The following FAM81A variants were observed in gnomAD, a reference collection of about 807,000 sequenced individuals.
FAM81A encodes family with sequence similarity 81 member A.
FAM81A carries 19 observed loss-of-function variants against 46.7 expected under a neutral mutation model. The ratio of observed to expected loss-of-function variants is 0.41; its 90% CI spans 0.28 to 0.60. The LOEUF is 0.60. FAM81A is among the 20% of genes least tolerant of loss of function. The pLI is 0.34. For synonymous variants in FAM81A, 183 were observed against 152.9 expected (o/e 1.20, Z -1.45); for missense variants, 377 against 453.5 (o/e 0.83, Z 1.53).
At chr15:59,424,430 T>A (rs1174630056) in intron 2 of FAM81A, among the ~76,000 whole-genome samples, 1 of 152,216 alleles carries the variant, frequency 6.6e-6, no homozygotes. Flanking sequence ...CACAGGGCTT[T>A]ATGTATCTCC....
At chr15:59,493,152 A>G (rs1313965820) in intron 4 of FAM81A, among the ~76,000 whole-genome samples, 2 of 152,198 alleles carry the variant, frequency 1.3e-5, no homozygotes, top group African/African-American at 2.4e-5. Flanking sequence ...TGAGGTGGCA[A>G]TGAGGGTGGT....
At chr15:59,457,400 A>G (rs2081498137) in intron 1 of FAM81A, among the ~76,000 whole-genome samples, 1 of 152,192 alleles carries the variant, frequency 6.6e-6, no homozygotes, top group South Asian at 2.1e-4. Flanking sequence ...AGTAACCCTT[A>G]TTTTACTTCA....
chr15:59,490,393 T>C (rs2081968390), intron 3 of FAM81A, among the ~76,000 whole-genome samples: 1 of 147,874 alleles, frequency 6.8e-6, no homozygotes, highest in African/African-American at 2.6e-5. Flanking sequence ...AACAACTCTA[T>C]AAGAAAAAAA....
intron 1 of FAM81A, among the ~76,000 whole-genome samples, chr15:59,398,828 A>G (rs1243365756): frequency 6.7e-6 from 1 of 148,410 alleles, no homozygotes; most frequent in African/African-American, 2.5e-5. Context: ...AAACTTCACC[A>G]TCCCTAGGGT....
chr15:59,499,520 T>C (rs948380686), intron 4 of FAM81A, among the ~76,000 whole-genome samples: 1 of 152,246 alleles, frequency 6.6e-6, no homozygotes, highest in Admixed American at 6.5e-5. Context: ...TCATGAGGAT[T>C]CAAATTACTA....
At chr15:59,497,608 G>C (rs2082047993) in intron 4 of FAM81A, among the ~76,000 whole-genome samples, 1 of 152,036 alleles carries the variant, frequency 6.6e-6, no homozygotes, top group African/African-American at 2.4e-5. Flanking sequence ...GTAATCCCAG[G>C]GATTTGGGAG....
At chr15:59,421,632 A>G (rs1346440462) in intron 2 of FAM81A, among the ~76,000 whole-genome samples, 1 of 152,134 alleles carries the variant, frequency 6.6e-6, no homozygotes, top group African/African-American at 2.4e-5. Flanking sequence ...CTATACCTGG[A>G]GTCCTTGGTC....
intron 3 of FAM81A, among the ~76,000 whole-genome samples, chr15:59,464,727 G>T (rs965321987): frequency 2.0e-5 from 3 of 152,200 alleles, no homozygotes; most frequent in African/African-American, 7.2e-5. Context: ...CCTATTGGAT[G>T]AGTAGTTTGC....
At chr15:59,443,376 C>T (rs1485583593) in intron 1 of FAM81A, among the ~76,000 whole-genome samples, 2 of 152,186 alleles carry the variant, frequency 1.3e-5, no homozygotes, top group African/African-American at 2.4e-5. Context: ...GCCACTGCAC[C>T]TGGCCAAAAA....
In FAM81A at chr15:59,398,759, GAAAAAAAAA is replaced by G. The variant is rs71119468; in HGVS notation, c.-160-3496_-160-3488del. On this transcript the variant is annotated intron_variant, in intron 1 of 4. Transcript: ENST00000558348. Reference sequence around the variant, plus strand: ...GGCAACAGAGTGAGACTCTGTCTCAGAAAAAAAAAAAAAAAAAAAAAAAAAAAAAGGAAA... The same window carrying G: ...GGCAACAGAGTGAGACTCTGTCTCAGAAAAAAAAAAAAAAAAAAAAGGAAA... Among the ~76,000 whole-genome samples, 24 of 41,420 alleles carry G rather than the reference GAAAAAAAAA, an allele frequency of 5.8e-4. 1 individual carries two copies. In the East Asian group the frequency reaches 0.018, roughly 32 times the overall value. The allele number at this position is 41,420 out of a possible 152,430, so 27.2% of individuals were successfully genotyped here. A position where few individuals can be genotyped will look rare whatever the true frequency, so the allele number is the denominator to read the frequency against.
intron 7 of FAM81A, among the ~76,000 whole-genome samples, chr15:59,514,969 G>T (rs553203708): frequency 6.6e-6 from 1 of 152,278 alleles, no homozygotes; most frequent in South Asian, 2.1e-4. Context: ...CTTGTGCCGG[G>T]CACTGTGGCT....
intron 1 of FAM81A, among the ~76,000 whole-genome samples, chr15:59,447,889 C>CAG (rs1378750546): frequency 6.6e-6 from 1 of 152,150 alleles, no homozygotes; most frequent in Non-Finnish European, 1.5e-5. Context: ...CGAAGGAAGG[C>CAG]AGATAATTGG....
At chr15:59,484,717 T>C (rs77539788) in intron 3 of FAM81A, among the ~76,000 whole-genome samples, 13,210 of 152,058 alleles carry the variant, frequency 0.087, 704 homozygotes, top group African/African-American at 0.15. Flanking sequence ...TGAGGAGAGA[T>C]TTCTTCTGCT....
chr15:59,488,019 C>G (rs1040524971), intron 3 of FAM81A, among the ~76,000 whole-genome samples: 5 of 152,096 alleles, frequency 3.3e-5, no homozygotes, highest in Non-Finnish European at 7.4e-5. Context: ...CAAAAACCCT[C>G]AACAAAATAC....
chr15:59,510,907 G>A (rs1003155251), intron 6 of FAM81A, among the ~76,000 whole-genome samples: 5 of 151,706 alleles, frequency 3.3e-5, no homozygotes, highest in Non-Finnish European at 7.4e-5. Context: ...CAGCACTTTG[G>A]AAGGTTGAGG....
chr15:59,513,121 AAAG>A (rs1385092402), intron 6 of FAM81A, among the ~76,000 whole-genome samples: 8 of 152,200 alleles, frequency 5.3e-5, no homozygotes, highest in African/African-American at 1.7e-4. Context: ...TAAAAACTGG[AAAG>A]AAGTAATTAA....
intron 2 of FAM81A, among the ~76,000 whole-genome samples, chr15:59,429,034 T>C (rs1308003757): frequency 6.6e-6 from 1 of 152,224 alleles, no homozygotes; most frequent in Non-Finnish European, 1.5e-5. Context: ...CTGAAATACA[T>C]GAAAATATTT....
chr15:59,417,330 C>G (rs753971708), intron 2 of FAM81A, among the ~76,000 whole-genome samples: 2 of 151,946 alleles, frequency 1.3e-5, no homozygotes, highest in Non-Finnish European at 2.9e-5. Context: ...TTAATGTTGC[C>G]TCCCCAACCT....
At position 59,421,741 on chromosome 15, in the gene FAM81A, A is replaced by G. The variant is rs11857956; in HGVS notation, c.-78+19383A>G. On this transcript the variant is annotated intron_variant, in intron 2 of 4. Transcript: ENST00000558348. Reference sequence around the variant, plus strand: ...TGTCTGTCTGTCTGTCTATCTATCTATCTGTCTATCTATCTATCTATCTAT... The same window carrying G: ...TGTCTGTCTGTCTGTCTATCTATCTGTCTGTCTATCTATCTATCTATCTAT... Among the ~76,000 whole-genome samples, 452 of 118,188 alleles carry G rather than the reference A, an allele frequency of 3.8e-3. 2 individuals carry two copies. Among genetic ancestry groups the G allele is most frequent in the African/African-American group, 0.012 (426 of 34,622 alleles). 77.5% of individuals were successfully genotyped at this position (118,188 alleles called of 152,430 possible).
Sources: allele counts gnomAD v4.1 joint callset (sites outside exome capture counted in the v4.1 genomes callset), GRCh38; gene constraint gnomAD v4.1.1; transcripts MANE v1.5; gene names NCBI Gene and HGNC (gene_info 2026-07-23, HGNC 2026-07-21).